DGKB: variants seen among roughly 807,000 people sequenced by gnomAD.
DGKB encodes the protein diacylglycerol kinase beta.
A neutral mutation model predicts 114.3 loss-of-function variants in DGKB; 67 were observed. The observed-to-expected ratio is 0.59, with a 90% CI of 0.48 to 0.72. The LOEUF is 0.72. Ranked by LOEUF, DGKB falls within the 30% of genes least tolerant of loss-of-function variation. The pLI is 0.00. For synonymous variants in DGKB, 398 were observed against 323.1 expected (o/e 1.23, Z -2.49); for missense variants, 907 against 975.2 (o/e 0.93, Z 0.93).
intron 17 of DGKB, among the ~76,000 whole-genome samples, chr7:14,606,598 T>TA (rs1585075567): frequency 2.7e-5 from 4 of 148,926 alleles, no homozygotes; most frequent in African/African-American, 1.0e-4. Flanking sequence ...TGCCTTTTTT[T>TA]TAAAAAAAAA....
intron 21 of DGKB, among the ~76,000 whole-genome samples, chr7:14,426,185 A>T (rs1448661643): frequency 6.6e-6 from 1 of 152,206 alleles, no homozygotes; most frequent in Non-Finnish European, 1.5e-5. Context: ...TATTGGACTC[A>T]GATTACCTAC....
At chr7:14,909,282 T>C (rs1707901720) in intron 1 of DGKB, among the ~76,000 whole-genome samples, 2 of 152,160 alleles carry the variant, frequency 1.3e-5, no homozygotes. Flanking sequence ...TATAACCATA[T>C]TTTAAAATGT....
intron 21 of DGKB, among the ~76,000 whole-genome samples, chr7:14,413,147 A>G (rs1164307655): frequency 6.6e-6 from 1 of 152,142 alleles, no homozygotes; most frequent in African/African-American, 2.4e-5. Context: ...TGGATTGGAT[A>G]TGGAGAGTGC....
At chr7:14,170,011 G>A (rs181164790) in intron 25 of DGKB, among the ~76,000 whole-genome samples, 2,613 of 151,710 alleles carry the variant, frequency 0.017, 37 homozygotes, top group Admixed American at 0.025. Flanking sequence ...GCACATGCCT[G>A]TAATCCCAGC....
At chr7:14,320,963 A>C (rs1807663812) in intron 23 of DGKB, among the ~76,000 whole-genome samples, 1 of 152,192 alleles carries the variant, frequency 6.6e-6, no homozygotes, top group South Asian at 2.1e-4. Context: ...TCCAAGTTAG[A>C]TTTATTTAAG....
At chr7:14,232,476 G>T (rs186964463) in intron 23 of DGKB, among the ~76,000 whole-genome samples, 3 of 151,210 alleles carry the variant, frequency 2.0e-5, no homozygotes, top group Admixed American at 2.0e-4. Context: ...TAGGATGATT[G>T]GCCATATGAC....
intron 23 of DGKB, among the ~76,000 whole-genome samples, chr7:14,250,512 TATATC>T (rs1476761940): frequency 6.6e-6 from 1 of 152,168 alleles, no homozygotes; most frequent in Non-Finnish European, 1.5e-5. Flanking sequence ...GGTCAGAAAA[TATATC>T]TAATATTATG....
intron 1 of DGKB, among the ~76,000 whole-genome samples, chr7:14,847,767 C>G (rs934608337): frequency 1.3e-5 from 2 of 152,158 alleles, no homozygotes; most frequent in Non-Finnish European, 2.9e-5. Flanking sequence ...GAGAGCAATT[C>G]AGAAAGCCAG....
At position 14,700,204 on chromosome 7, in the gene DGKB, GA is replaced by G. The variant is rs201590879; in HGVS notation, c.516+1476del. 1.0e-3 allele frequency among the ~76,000 whole-genome samples: 146 copies of G among 142,414 alleles called. 3 individuals are homozygous for G. In the South Asian group the frequency reaches 0.021, roughly 21 times the overall value. 93.4% of individuals were successfully genotyped at this position (142,414 alleles called of 152,430 possible). On this transcript the variant is annotated intron_variant, in intron 7 of 25. Coordinates refer to ENST00000402815, the MANE Select transcript of DGKB (RefSeq NM_001350709.2). ...TAGGCACTTAAAAATAATAGCATTT[GA>G]AAAAAAATTTTTTTTTTTTTTTTTT... is the stretch of plus-strand genomic sequence containing the variant.
intron 13 of DGKB, among the ~76,000 whole-genome samples, chr7:14,636,142 GCT>G (rs1810710947): frequency 6.6e-6 from 1 of 151,646 alleles, no homozygotes; most frequent in Non-Finnish European, 1.5e-5. Context: ...CTCACGTTAG[GCT>G]AAGATTCAAT....
chr7:14,392,995 G>T (rs10262601), intron 21 of DGKB, among the ~76,000 whole-genome samples: 1,019 of 60,370 alleles, frequency 0.017, 24 homozygotes, highest in Middle Eastern at 0.031. Flanking sequence ...TTTTGTTTTT[G>T]TTTTTTTTTT....
chr7:14,703,071 G>A (rs1825497960), intron 6 of DGKB, among the ~76,000 whole-genome samples: 2 of 141,930 alleles, frequency 1.4e-5, no homozygotes, highest in East Asian at 2.1e-4. Flanking sequence ...ATAAAATGCA[G>A]AAGGAAACAG....
intron 2 of DGKB, among the ~76,000 whole-genome samples, chr7:14,831,680 A>G (rs547104010): frequency 1.3e-5 from 2 of 152,082 alleles, no homozygotes; most frequent in African/African-American, 2.4e-5. Flanking sequence ...CAGGAGTCTC[A>G]TGTCTTCTCC....
intron 1 of DGKB, among the ~76,000 whole-genome samples, chr7:14,966,368 T>C (rs1787149244): frequency 6.6e-6 from 1 of 152,074 alleles, no homozygotes; most frequent in South Asian, 2.1e-4. Flanking sequence ...TGGATTCCCA[T>C]CCTTTTCCTT....
chr7:14,675,857 C>G (rs1396767033), intron 12 of DGKB, among the ~76,000 whole-genome samples: 1 of 151,932 alleles, frequency 6.6e-6, no homozygotes, highest in Non-Finnish European at 1.5e-5. Flanking sequence ...TTTTCTTAAC[C>G]ATCAACATTA....
chr7:14,401,354 G>A (rs1298805576), intron 21 of DGKB, among the ~76,000 whole-genome samples: 1 of 151,856 alleles, frequency 6.6e-6, no homozygotes, highest in Non-Finnish European at 1.5e-5. Flanking sequence ...AAGCATATCT[G>A]TGATTTGTAA....
chr7:14,667,044 G>A (rs190418728), intron 13 of DGKB, among the ~76,000 whole-genome samples: 1 of 152,032 alleles, frequency 6.6e-6, no homozygotes, highest in East Asian at 1.9e-4. Context: ...CATTATCAAG[G>A]CCAATTATCT....
At chr7:14,313,519 A>C (rs1481122164) in intron 23 of DGKB, among the ~76,000 whole-genome samples, 1 of 152,176 alleles carries the variant, frequency 6.6e-6, no homozygotes, top group African/African-American at 2.4e-5. Context: ...GACGGACGGC[A>C]CCTGGAAAAT....
intron 13 of DGKB, among the ~76,000 whole-genome samples, chr7:14,653,974 T>G (rs1815223793): frequency 1.3e-5 from 2 of 152,042 alleles, no homozygotes; most frequent in African/African-American, 4.8e-5. Flanking sequence ...AGAACTGGAA[T>G]AGGACAAGTA....
Sources: allele counts gnomAD v4.1 joint callset (sites outside exome capture counted in the v4.1 genomes callset), GRCh38; gene constraint gnomAD v4.1.1; transcripts MANE v1.5; gene names NCBI Gene and HGNC (gene_info 2026-07-23, HGNC 2026-07-21).